STEEP1: variants seen among roughly 807,000 people sequenced by gnomAD.
STEEP1 encodes STING ER exit protein.
Under a neutral mutation model 19.2 loss-of-function variants are expected in STEEP1, and 3 were observed. That is an observed-to-expected ratio of 0.16 (90% CI 0.07 to 0.40). The LOEUF (loss-of-function observed/expected upper bound fraction) is 0.40, where lower values mean the gene tolerates loss of function less well. Ranked by LOEUF, STEEP1 falls within the 10% of genes least tolerant of loss-of-function variation. STEEP1 has a pLI of 0.99. For missense variants in STEEP1, 54 were observed against 177.1 expected, an observed-to-expected ratio of 0.30 and a Z score of 3.94; for synonymous variants, 46 against 63.7, an observed-to-expected ratio of 0.72 and a Z score of 1.32.
chrX:119,556,089 G>A (rs1259103183), intron 2 of STEEP1, among the ~76,000 whole-genome samples: 1 of 111,394 alleles, frequency 9.0e-6, no homozygotes, highest in Non-Finnish European at 1.9e-5. Flanking sequence ...CAGGCTGGCT[G>A]CTAGTGTTCC....
intron 2 of STEEP1, among the ~76,000 whole-genome samples, chrX:119,557,155 C>CAAAAAAAAAAAAAAAAAAAAAA (rs61087266): frequency 2.1e-5 from 1 of 47,778 alleles, no homozygotes; most frequent in Non-Finnish European, 3.8e-5. Context: ...GACTCTATCT[C>CAAAAAAAAAAAAAAAAAAAAAA]AAAAAAAAAA....
Position 119,551,557 on chromosome X carries a change from C to T in STEEP1, c.243-6053G>A, listed in dbSNP as rs1257211589. 3.6e-5 allele frequency among the ~76,000 whole-genome samples: 4 copies of T among 110,761 alleles called. No individual in the cohort carries two copies. The Admixed American group carries it at 3.9e-4, about 11-fold the overall frequency. On this transcript the variant is annotated intron_variant, in intron 2 of 6. Transcript: ENST00000644802. ...AAGGTTCCCCTCCAACTTAACTGGC[C>T]AGGGCAGAGATGAGGGAGGAACGAG... is the stretch of plus-strand genomic sequence containing the variant.
At chrX:119,558,394 G>A (rs920340945) in intron 2 of STEEP1, among the ~76,000 whole-genome samples, 1 of 111,025 alleles carries the variant, frequency 9.0e-6, no homozygotes, top group East Asian at 2.9e-4. Flanking sequence ...AAAATTAGCC[G>A]GGCATGGTGG....
chrX:119,542,612 A>G lies in STEEP1; in HGVS notation c.424-18T>C. 8.7e-7 allele frequency: 1 copy of G among 1,148,613 alleles called. No individual in the cohort carries two copies. The highest frequency in any genetic ancestry group is 1.2e-6 in the Non-Finnish European group (1 of 838,421). The allele number at this position is 1,148,613 out of a possible 1,213,427, so 94.7% of individuals were successfully genotyped here. A position where few individuals can be genotyped will look rare whatever the true frequency, so the allele number is the denominator to read the frequency against. Reference sequence around the variant, plus strand: ...ATCATCACCTGGAGTGGCAGGCAAGAAGAAGTCAGTCCGGTTCACCAAAAC... The same window carrying G: ...ATCATCACCTGGAGTGGCAGGCAAGGAGAAGTCAGTCCGGTTCACCAAAAC... On this transcript the variant is annotated intron_variant, in intron 4 of 6. Coordinates refer to ENST00000644802, the MANE Select transcript of STEEP1 (RefSeq NM_022101.4).
chrX:119,561,675 GA>G (rs1330482541), intron 1 of STEEP1, among the ~76,000 whole-genome samples: 3 of 79,921 alleles, frequency 3.8e-5, no homozygotes, highest in African/African-American at 9.0e-5. Context: ...TCTCTCAAAA[GA>G]AAAAAAAAAG....
chrX:119,561,009 C>CAAA (rs60535599), intron 1 of STEEP1, among the ~76,000 whole-genome samples: 4 of 81,234 alleles, frequency 4.9e-5, no homozygotes, highest in Non-Finnish European at 7.0e-5. Context: ...CTCTGTTTTA[C>CAAA]AAAAAAAAAA....
At chrX:119,557,152 T>A (rs866462364) in intron 2 of STEEP1, among the ~76,000 whole-genome samples, 1 of 14,282 alleles carries the variant, frequency 7.0e-5, no homozygotes, top group African/African-American at 2.6e-4. Flanking sequence ...CGAGACTCTA[T>A]CTCAAAAAAA....
chrX:119,559,085 G>A (rs1308817158), intron 2 of STEEP1, among the ~76,000 whole-genome samples: 4 of 110,285 alleles, frequency 3.6e-5, no homozygotes, highest in East Asian at 2.8e-4. Flanking sequence ...AGGCGTGGTG[G>A]CAGGTGCCTG....
Position 119,541,400 on chromosome X carries a change from A to G in STEEP1, c.534T>C (p.Tyr178=). Residue 178 remains tyrosine, a synonymous_variant, in exon 6 of 7, where the codon TAT becomes TAC. Transcript: ENST00000644802. ...TTTCAATCACTTTGGCATTCTGTGC[A>G]TATGAGTCAGCAACTTCCCTCTGAA... ...EIEAREVADS[Y]AQNAKVIEKQ... The G allele has an allele frequency of 8.4e-7, 1 of 1,187,194 alleles. No homozygotes were observed. Among genetic ancestry groups the G allele is most frequent in the Non-Finnish European group, 1.1e-6 (1 of 873,233 alleles).
At chrX:119,555,049 C>A (rs2053268961) in intron 2 of STEEP1, among the ~76,000 whole-genome samples, 1 of 108,862 alleles carries the variant, frequency 9.2e-6, no homozygotes, top group South Asian at 4.0e-4. Context: ...ATCGAGACTG[C>A]AGTGAGCTGT....
At chrX:119,542,256 C>T (rs1231490283) in intron 5 of STEEP1, among the ~76,000 whole-genome samples, 1 of 107,916 alleles carries the variant, frequency 9.3e-6, no homozygotes, top group African/African-American at 3.4e-5. Flanking sequence ...TTAGTAGAAA[C>T]GGGGTTTCAC....
At chrX:119,555,169 T>C (rs760542601) in intron 2 of STEEP1, among the ~76,000 whole-genome samples, 1 of 109,768 alleles carries the variant, frequency 9.1e-6, no homozygotes, top group African/African-American at 3.3e-5. Context: ...CGCAGCTTCA[T>C]GAGAGACCAG....
intron 1 of STEEP1, 123 bp downstream of exon 1, chrX:119,565,109 G>C (rs1343975701): frequency 1.9e-6 from 2 of 1,062,166 alleles, no homozygotes; most frequent in East Asian, 3.2e-5. Context: ...GATTTAGTCG[G>C]AGAGAGAAAA....
Position 119,539,084 on chromosome X carries a change from GAAAGAATA to G in STEEP1, c.*635_*642del, listed in dbSNP as rs1343343914. On this transcript the variant is annotated 3_prime_UTR_variant, in exon 7 of 7. Coordinates refer to ENST00000644802, the MANE Select transcript of STEEP1 (RefSeq NM_022101.4). The stretch of plus-strand genomic sequence containing the variant: ...CTTGCAACATGTTATTAACTTTGAA[GAAAGAATA>G]AAAGCAGCCACTTTAGAGACTGGAG... The G allele has an allele frequency of 5.4e-5, 6 of 111,963 alleles. No individual in the cohort carries two copies. Among genetic ancestry groups the G allele is most frequent in the African/African-American group, 9.8e-5 (3 of 30,761 alleles). 9.2% of individuals were successfully genotyped at this position (111,963 alleles called of 1,213,427 possible).
chrX:119,541,276 CAA>C, intron 6 of STEEP1, 50 bp downstream of exon 6: 2 of 715,858 alleles, frequency 2.8e-6, no homozygotes, highest in Non-Finnish European at 4.4e-6. Context: ...TCTTTCAGAC[CAA>C]GACATCCAAA....
chrX:119,546,398 G>A (rs536550575), intron 2 of STEEP1, among the ~76,000 whole-genome samples: 11 of 96,849 alleles, frequency 1.1e-4, no homozygotes, highest in African/African-American at 4.0e-4. Flanking sequence ...CCGAGTTCAC[G>A]CCACTGCACT....
chrX:119,563,880 A>T (rs978052992), intron 1 of STEEP1, among the ~76,000 whole-genome samples: 1 of 112,023 alleles, frequency 8.9e-6, no homozygotes, highest in Non-Finnish European at 1.9e-5. Flanking sequence ...GAATAGTTGT[A>T]CTACTGACTG....
intron 2 of STEEP1, among the ~76,000 whole-genome samples, chrX:119,549,633 G>A (rs1355648974): frequency 8.9e-6 from 1 of 112,122 alleles, no homozygotes; most frequent in Non-Finnish European, 1.9e-5. Context: ...TCACAGTTCT[G>A]AAAGCTGGGA....
intron 1 of STEEP1, 177 bp downstream of exon 1, chrX:119,565,055 G>GAA: frequency 1.0e-5 from 6 of 572,282 alleles, no homozygotes; most frequent in Admixed American, 4.8e-5. Context: ...CAAAAAGCAG[G>GAA]AAAAAAAAAA....
Sources: gnomAD v4.1 joint callset for allele counts (sites outside exome capture counted in the v4.1 genomes callset) on GRCh38, gnomAD v4.1.1 for gene constraint, MANE v1.5 for transcripts, NCBI Gene and HGNC (gene_info 2026-07-23, HGNC 2026-07-21) for gene names.